GRIK1: variants seen among roughly 807,000 people sequenced by gnomAD.
GRIK1 encodes the protein glutamate receptor ionotropic, kainate 1.
A neutral mutation model predicts 105.7 loss-of-function variants in GRIK1; 69 were observed. The ratio of observed to expected loss-of-function variants is 0.65; its 90% CI spans 0.54 to 0.80. The LOEUF (loss-of-function observed/expected upper bound fraction) is 0.80, where lower values mean the gene tolerates loss of function less well. GRIK1 is among the 30% of genes least tolerant of loss of function. The pLI is 0.00. For synonymous variants in GRIK1, 438 were observed against 431.3 expected, an observed-to-expected ratio of 1.02 and a Z score of -0.19; for missense variants, 1,109 against 1,167.3, an observed-to-expected ratio of 0.95 and a Z score of 0.73.
chr21:29,782,899 G>A (rs879607647), intron 1 of GRIK1, among the ~76,000 whole-genome samples: 1 of 152,124 alleles, frequency 6.6e-6, no homozygotes, highest in Non-Finnish European at 1.5e-5. Flanking sequence ...CCCTACTCAT[G>A]AACATTTGTA....
intron 1 of GRIK1, among the ~76,000 whole-genome samples, chr21:29,702,080 G>T (rs1400639499): frequency 6.6e-6 from 1 of 152,114 alleles, no homozygotes; most frequent in South Asian, 2.1e-4. Context: ...ATGTATAAGT[G>T]GGAGCCAAAT....
At chr21:29,613,036 C>T (rs2146380595) in intron 7 of GRIK1, among the ~76,000 whole-genome samples, 1 of 152,304 alleles carries the variant, frequency 6.6e-6, no homozygotes, top group East Asian at 1.9e-4. Context: ...TGCCTCTTTG[C>T]AAGTTGCTTA....
chr21:29,811,402 G>A (rs1286859897), intron 1 of GRIK1, among the ~76,000 whole-genome samples: 2 of 152,010 alleles, frequency 1.3e-5, no homozygotes, highest in Admixed American at 1.3e-4. Context: ...TCATTATATT[G>A]TGGGCATACA....
intron 1 of GRIK1, among the ~76,000 whole-genome samples, chr21:29,712,039 A>G (rs1484570921): frequency 4.3e-5 from 6 of 139,926 alleles, no homozygotes; most frequent in African/African-American, 1.5e-4. Flanking sequence ...TGTATTTATA[A>G]ATATGTGTGT....
intron 1 of GRIK1, among the ~76,000 whole-genome samples, chr21:29,875,521 A>G (rs555589920): frequency 4.8e-4 from 73 of 152,206 alleles, no homozygotes; most frequent in South Asian, 1.7e-3. Flanking sequence ...AGCAACCACA[A>G]TGATTTACGC....
Position 29,588,970 on chromosome 21 carries a change from G to A in GRIK1, c.1438C>T (p.Leu480=), listed in dbSNP as rs2061289860. Residue 480 remains leucine, a synonymous_variant, in exon 11 of 18, where the codon CTA becomes TTA. Transcript: ENST00000327783. ...YGNDRFEGYC[L]DLLKELSNIL... ...TTTGACAATTCTTTCAACAGGTCTA[G>A]GCAATATCCTTCAAATCTGTCATTT... 10 of 1,601,110 alleles carry A rather than the reference G, an allele frequency of 6.2e-6. No individual in the cohort carries two copies. In the South Asian group the frequency reaches 9.9e-5, roughly 16 times the overall value.
At chr21:29,677,241 C>T (rs1321012521) in intron 3 of GRIK1, among the ~76,000 whole-genome samples, 1 of 152,142 alleles carries the variant, frequency 6.6e-6, no homozygotes, top group East Asian at 1.9e-4. Context: ...TGTACATGTC[C>T]TGCAACTTTT....
chr21:29,704,878 C>A (rs1330597602), intron 1 of GRIK1, among the ~76,000 whole-genome samples: 2 of 152,158 alleles, frequency 1.3e-5, no homozygotes, highest in Non-Finnish European at 2.9e-5. Flanking sequence ...AGGCAAGAAC[C>A]AGGAATATTG....
chr21:29,848,051 A>T (rs2068181154), intron 1 of GRIK1, among the ~76,000 whole-genome samples: 3 of 151,844 alleles, frequency 2.0e-5, no homozygotes, highest in Admixed American at 6.6e-5. Context: ...AACGTAAGTT[A>T]TTATTATTAT....
At chr21:29,584,985 A>C (rs1487865144) in intron 12 of GRIK1, among the ~76,000 whole-genome samples, 1 of 152,206 alleles carries the variant, frequency 6.6e-6, no homozygotes, top group African/African-American at 2.4e-5. Flanking sequence ...TTGAAAGTAG[A>C]ATCTTCATGA....
chr21:29,691,114 C>A (rs909596829), intron 2 of GRIK1, among the ~76,000 whole-genome samples: 1 of 151,784 alleles, frequency 6.6e-6, no homozygotes, highest in Non-Finnish European at 1.5e-5. Context: ...AGTTCGAGAC[C>A]TGCCTGGCCA....
chr21:29,702,069 C>T (rs933476105), intron 1 of GRIK1, among the ~76,000 whole-genome samples: 1 of 152,058 alleles, frequency 6.6e-6, no homozygotes, highest in South Asian at 2.1e-4. Context: ...CACGTGTTCT[C>T]ATGTATAAGT....
intron 1 of GRIK1, among the ~76,000 whole-genome samples, chr21:29,933,999 A>AATATAAAG (rs3831792): frequency 6.6e-6 from 1 of 151,380 alleles, no homozygotes; most frequent in African/African-American, 2.4e-5. Flanking sequence ...AAAATTTTAG[A>AATATAAAG]ATATTTCCTA....
At chr21:29,607,399 T>TAA (rs374011528) in intron 7 of GRIK1, among the ~76,000 whole-genome samples, 3 of 138,304 alleles carry the variant, frequency 2.2e-5, no homozygotes, top group Non-Finnish European at 3.2e-5. Context: ...CTCTGGAAAT[T>TAA]AAAAAAAAAA....
chr21:29,652,738 A>T (rs2146564748), intron 5 of GRIK1, among the ~76,000 whole-genome samples: 1 of 152,360 alleles, frequency 6.6e-6, no homozygotes, highest in East Asian at 1.9e-4. Context: ...ATTTAACAGG[A>T]AAAATACTTC....
At chr21:29,592,105 T>A (rs1568859369) in intron 9 of GRIK1, among the ~76,000 whole-genome samples, 2 of 152,180 alleles carry the variant, frequency 1.3e-5, no homozygotes, top group Admixed American at 6.5e-5. Context: ...AAACATGTCA[T>A]GTGCATGAGA....
At chr21:29,779,580 G>T (rs2066035030) in intron 1 of GRIK1, among the ~76,000 whole-genome samples, 1 of 152,054 alleles carries the variant, frequency 6.6e-6, no homozygotes, top group African/African-American at 2.4e-5. Context: ...CACAAAAAGT[G>T]GACTTTAGGT....
intron 1 of GRIK1, chr21:29,758,818 A>T (rs1401078161): frequency 6.5e-6 from 1 of 152,720 alleles, no homozygotes; most frequent in East Asian, 1.9e-4. Context: ...TTCTAGTCCA[A>T]CATTCTCTTC....
At chr21:29,668,043 T>C (rs542581392) in intron 4 of GRIK1, among the ~76,000 whole-genome samples, 66 of 152,124 alleles carry the variant, frequency 4.3e-4, no homozygotes, top group African/African-American at 1.5e-3. Context: ...TAGAAGAAAA[T>C]ATGACTTTGG....
Sources: gnomAD v4.1 joint callset for allele counts (sites outside exome capture counted in the v4.1 genomes callset) on GRCh38, gnomAD v4.1.1 for gene constraint, MANE v1.5 for transcripts, NCBI Gene and HGNC (gene_info 2026-07-23, HGNC 2026-07-21) for gene names.